The following CHRM3 variants were observed in gnomAD, a reference collection of about 807,000 sequenced individuals.
CHRM3 encodes the protein muscarinic acetylcholine receptor M3.
Under a neutral mutation model 41.8 loss-of-function variants are expected in CHRM3, and 11 were observed. The ratio of observed to expected loss-of-function variants is 0.26; its 90% confidence interval spans 0.17 to 0.44. The LOEUF (loss-of-function observed/expected upper bound fraction) is 0.44, where lower values mean the gene tolerates loss of function less well. CHRM3 is among the 20% of genes least tolerant of loss of function. CHRM3 has a pLI of 1.00. For synonymous variants in CHRM3, 297 were observed against 301.4 expected, an observed-to-expected ratio of 0.99 and a Z score of 0.15; for missense variants, 571 against 745.4, an observed-to-expected ratio of 0.77 and a Z score of 2.72.
At chr1:239,517,204 A>G (rs1669332349) in intron 2 of CHRM3, among the ~76,000 whole-genome samples, 1 of 152,172 alleles carries the variant, frequency 6.6e-6, no homozygotes, top group South Asian at 2.1e-4. Flanking sequence ...ATTAAAGGAG[A>G]CAATGTATGT....
At chr1:239,802,343 T>C (rs1198802809) in intron 5 of CHRM3, among the ~76,000 whole-genome samples, 1 of 152,184 alleles carries the variant, frequency 6.6e-6, no homozygotes, top group Non-Finnish European at 1.5e-5. Flanking sequence ...TTATTTCATG[T>C]CGATGGTTGA....
At chr1:239,863,882 G>A (rs866631933) in intron 6 of CHRM3, among the ~76,000 whole-genome samples, 23 of 152,230 alleles carry the variant, frequency 1.5e-4, no homozygotes, top group African/African-American at 5.5e-4. Context: ...AACAGTAACA[G>A]ACACGATGCA....
intron 6 of CHRM3, among the ~76,000 whole-genome samples, chr1:239,861,078 A>G (rs1408640835): frequency 6.6e-6 from 1 of 152,166 alleles, no homozygotes; most frequent in African/African-American, 2.4e-5. Context: ...TCTTTCTATC[A>G]GTAACCTCTA....
intron 3 of CHRM3, among the ~76,000 whole-genome samples, chr1:239,620,360 A>C (rs1249014023): frequency 2.0e-5 from 3 of 152,208 alleles, no homozygotes; most frequent in Non-Finnish European, 4.4e-5. Context: ...ACTGTGTTTG[A>C]GACCCAAGAG....
chr1:239,608,600 G>C (rs1017201546), intron 3 of CHRM3, among the ~76,000 whole-genome samples: 1 of 152,080 alleles, frequency 6.6e-6, no homozygotes, highest in Non-Finnish European at 1.5e-5. Flanking sequence ...GTAATTCTGT[G>C]TCTTAGAACA....
At chr1:239,516,483 C>G (rs1669278891) in intron 2 of CHRM3, among the ~76,000 whole-genome samples, 1 of 152,014 alleles carries the variant, frequency 6.6e-6, no homozygotes, top group Non-Finnish European at 1.5e-5. Flanking sequence ...TTTTTGAGTT[C>G]CTATTCACAT....
chr1:239,907,533 G>A lies in CHRM3; in HGVS notation c.82G>A (p.Gly28Arg), dbSNP rs200297591. 1 of 1,614,186 alleles carries A rather than the reference G, an allele frequency of 6.2e-7. No homozygotes were observed. Among genetic ancestry groups the A allele is most frequent in the Non-Finnish European group, 8.5e-7 (1 of 1,180,040 alleles). ...CTGGATACACAGCCCCTCCGATGCA[G>A]GGCTGCCCCCGGGAACCGTCACTCA... ...SSWIHSPSDA[G>R]LPPGTVTHFG... The change falls in exon 7 of 7, where the codon GGG (glycine) becomes AGG (arginine). Residue 28 changes from glycine (G) to arginine (R), a missense_variant. Gly to Arg is a moderately radical substitution (Grantham distance 125, BLOSUM62 -2). Coordinates refer to ENST00000676153, the MANE Select transcript of CHRM3 (RefSeq NM_001375978.1). This position sits in a 1 kb window ranked among gnomAD's most constrained non-coding sequence, Gnocchi z 5.4.
At position 239,424,588 on chromosome 1, in the gene CHRM3, T is replaced by C. The variant is rs541362365; in HGVS notation, c.-521+37361T>C. Among the ~76,000 whole-genome samples the C allele has an allele frequency of 4.6e-5, 7 of 152,278 alleles. No homozygotes were observed. In the South Asian group the frequency reaches 1.2e-3, roughly 27 times the overall value. On this transcript the variant is annotated intron_variant, in intron 1 of 6. Coordinates refer to ENST00000676153, the MANE Select transcript of CHRM3 (RefSeq NM_001375978.1). Reference sequence around the variant, plus strand: ...AATCAACTTTCATCAAATATAACAGTAAATACACATTTGTAACTGATAAAT... The same window carrying C: ...AATCAACTTTCATCAAATATAACAGCAAATACACATTTGTAACTGATAAAT...
At chr1:239,777,993 C>G (rs373736249) in intron 5 of CHRM3, among the ~76,000 whole-genome samples, 14 of 152,190 alleles carry the variant, frequency 9.2e-5, no homozygotes, top group East Asian at 7.7e-4. Context: ...AGATAAAAGA[C>G]TACATATTGG....
chr1:239,682,719 G>A (rs933895117), intron 5 of CHRM3, among the ~76,000 whole-genome samples: 1 of 151,812 alleles, frequency 6.6e-6, no homozygotes, highest in Admixed American at 6.6e-5. Context: ...GTAATTTTGA[G>A]TTGATTGTTA....
At position 239,907,534 on chromosome 1, in the gene CHRM3, G is replaced by A. The variant is rs778362934; in HGVS notation, c.83G>A (p.Gly28Glu). The A allele has an allele frequency of 6.2e-7, 1 of 1,614,088 alleles. No individual in the cohort carries two copies. Among genetic ancestry groups the A allele is most frequent in the South Asian group, 1.1e-5 (1 of 91,070 alleles). Residue 28 changes from glycine to glutamate, a missense_variant, in exon 7 of 7, where the codon GGG becomes GAG. Gly to Glu is a moderately conservative substitution (Grantham distance 98). Around this residue, in one of 5 missense-constraint regions of CHRM3, gnomAD observed 92 missense variants for 76.1 expected, o/e 1.21. Transcript: ENST00000676153. This position sits in a 1 kb window ranked among gnomAD's most constrained non-coding sequence, Gnocchi z 5.4. ...TGGATACACAGCCCCTCCGATGCAG[G>A]GCTGCCCCCGGGAACCGTCACTCAT... ...SSWIHSPSDA[G>E]LPPGTVTHFG...
chr1:239,565,199 G>A (rs1252893349), intron 3 of CHRM3, among the ~76,000 whole-genome samples: 1 of 152,146 alleles, frequency 6.6e-6, no homozygotes, highest in Non-Finnish European at 1.5e-5. Context: ...AATTACATCT[G>A]CAAAGACCCT....
chr1:239,643,306 C>G (rs4465191), intron 4 of CHRM3, among the ~76,000 whole-genome samples: 91 of 152,128 alleles, frequency 6.0e-4, no homozygotes, highest in Middle Eastern at 6.8e-3. Context: ...AGCTGTCAGA[C>G]AGGGACATTT....
In CHRM3 at chr1:239,908,583, C is replaced by A; in HGVS notation, c.1132C>A (p.Leu378Ile). 6.3e-7 allele frequency: 1 copy of A among 1,596,790 alleles called. No individual in the cohort carries two copies. The highest frequency in any genetic ancestry group is 1.1e-5 in the South Asian group (1 of 87,810). The change falls in exon 7 of 7, where the codon CTC (leucine) becomes ATC (isoleucine). Residue 378 changes from leucine (L) to isoleucine (I), a missense_variant. Around this residue, in one of 5 missense-constraint regions of CHRM3, gnomAD observed 239 missense variants for 239.6 expected, o/e 1.00. Coordinates refer to ENST00000676153, the MANE Select transcript of CHRM3 (RefSeq NM_001375978.1). This position sits in a 1 kb window ranked among gnomAD's most constrained non-coding sequence, Gnocchi z 7.2. ...VLKLPGHSTI[L>I]NSTKLPSSDN... ...CAAGCTTCCGGGTCACAGCACCATC[C>A]TCAACTCCACCAAGTTACCCTCATC... is the stretch of plus-strand genomic sequence containing the variant.
intron 4 of CHRM3, among the ~76,000 whole-genome samples, chr1:239,655,269 G>T (rs1332722407): frequency 6.6e-6 from 1 of 152,166 alleles, no homozygotes; most frequent in Non-Finnish European, 1.5e-5. Context: ...ATTTGTAGCT[G>T]AAATGTCATC....
At chr1:239,577,390 C>T (rs1005212889) in intron 3 of CHRM3, among the ~76,000 whole-genome samples, 7 of 152,010 alleles carry the variant, frequency 4.6e-5, no homozygotes, top group African/African-American at 1.7e-4. Flanking sequence ...ATAAGATGTT[C>T]AGGGACAATA....
chr1:239,429,020 T>C (rs1467663341), intron 1 of CHRM3, among the ~76,000 whole-genome samples: 1 of 152,236 alleles, frequency 6.6e-6, no homozygotes, highest in Admixed American at 6.5e-5. Flanking sequence ...GAGGGCATTG[T>C]ACCCAGAATT....
intron 6 of CHRM3, among the ~76,000 whole-genome samples, chr1:239,860,992 C>A (rs1358700179): frequency 1.3e-5 from 2 of 151,926 alleles, no homozygotes; most frequent in Non-Finnish European, 2.9e-5. Context: ...AATTAAAGAC[C>A]AAAGAAATGT....
intron 5 of CHRM3, among the ~76,000 whole-genome samples, chr1:239,760,229 C>G (rs1666642527): frequency 1.3e-5 from 2 of 152,110 alleles, no homozygotes; most frequent in South Asian, 4.1e-4. Flanking sequence ...CCGGCCAATA[C>G]TTTTCTTTAA....
Sources: allele counts gnomAD v4.1 joint callset (sites outside exome capture counted in the v4.1 genomes callset), GRCh38; gene constraint gnomAD v4.1.1; regional missense constraint gnomAD v4.1.1; non-coding constraint Gnocchi (gnomAD v3.1); transcripts MANE v1.5; gene names NCBI Gene and HGNC (gene_info 2026-07-23, HGNC 2026-07-21).